NTN1: variants seen among roughly 807,000 people sequenced by gnomAD.
NTN1 encodes the protein netrin-1.
NTN1 carries 11 observed loss-of-function variants against 54.2 expected under a neutral mutation model. The observed-to-expected ratio is 0.20, with a 90% CI of 0.13 to 0.34. NTN1 has a LOEUF of 0.34. Among genes scored for constraint, NTN1 ranks in the 10% least tolerant of loss-of-function variants. The pLI is 1.00. For synonymous variants in NTN1, 371 were observed against 382.0 expected (o/e 0.97, Z 0.33); for missense variants, 740 against 893.1 (o/e 0.83, Z 2.18).
intron 2 of NTN1, among the ~76,000 whole-genome samples, chr17:9,078,057 TATCCATCC>T (rs111350777): frequency 4.0e-4 from 60 of 151,638 alleles, no homozygotes; most frequent in Admixed American, 4.6e-4. Context: ...CCCATCCATC[TATCCATCC>T]ATCCATCCAT....
intron 5 of NTN1, among the ~76,000 whole-genome samples, chr17:9,185,026 G>A (rs1015709273): frequency 1.3e-5 from 2 of 152,210 alleles, no homozygotes; most frequent in Non-Finnish European, 2.9e-5. Context: ...AAACCGAAGC[G>A]AGCAGTAAAT....
At chr17:9,110,559 C>T (rs2092186989) in intron 2 of NTN1, among the ~76,000 whole-genome samples, 1 of 152,038 alleles carries the variant, frequency 6.6e-6, no homozygotes, top group African/African-American at 2.4e-5. Context: ...AGGCCTGAGC[C>T]ACCGCACCCA....
At chr17:9,167,353 A>G (rs969563020) in intron 3 of NTN1, among the ~76,000 whole-genome samples, 1 of 152,154 alleles carries the variant, frequency 6.6e-6, no homozygotes, top group Non-Finnish European at 1.5e-5. Context: ...TTGCTATTTA[A>G]CCATTTCGGC....
intron 2 of NTN1, among the ~76,000 whole-genome samples, chr17:9,035,154 G>A (rs113715580): frequency 0.15 from 23,214 of 151,966 alleles, 1,920 homozygotes; most frequent in Non-Finnish European, 0.18. Context: ...CACTGTGTTA[G>A]CCAGGATGGT....
At chr17:9,061,790 A>T (rs576575717) in intron 2 of NTN1, among the ~76,000 whole-genome samples, 1 of 151,270 alleles carries the variant, frequency 6.6e-6, no homozygotes, top group South Asian at 2.1e-4. Flanking sequence ...TGAAACCTCC[A>T]CCTCCCGGGT....
chr17:9,213,993 T>G (rs1005852384), intron 5 of NTN1, among the ~76,000 whole-genome samples: 2 of 152,136 alleles, frequency 1.3e-5, no homozygotes, highest in African/African-American at 4.8e-5. Context: ...TAGTTAAACA[T>G]GACAGTGTTT....
At chr17:9,220,633 G>T (rs1213882694) in intron 5 of NTN1, among the ~76,000 whole-genome samples, 1 of 152,104 alleles carries the variant, frequency 6.6e-6, no homozygotes, top group Admixed American at 6.5e-5. Context: ...TCTTCGTGGG[G>T]CATTTTATTT....
At chr17:9,172,218 C>T (rs1042969440) in intron 3 of NTN1, among the ~76,000 whole-genome samples, 87 of 151,392 alleles carry the variant, frequency 5.7e-4, no homozygotes, top group Admixed American at 9.2e-4. Context: ...CCTTTCTAGG[C>T]GGGGTGCGGT....
At position 9,022,393 on chromosome 17, in the gene NTN1, AGGCGCTGGC is replaced by A. The variant is rs1044752307; in HGVS notation, c.34_42del (p.Leu12_Ala14del). The A allele has an allele frequency of 8.1e-5, 108 of 1,332,408 alleles. No homozygotes were observed. The highest frequency in any genetic ancestry group is 5.1e-4 in the Middle Eastern group (2 of 3,912). The allele number at this position is 1,332,408 out of a possible 1,614,324, so 82.5% of individuals were successfully genotyped here. ...CGCAGCATGATGCGCGCAGTGTGGG[AGGCGCTGGC>A]GGCGCTGGCGGCGGTGGCGTGCCTG... is the stretch of plus-strand genomic sequence containing the variant. On this transcript the variant is annotated inframe_deletion, in exon 2 of 7. Coordinates refer to ENST00000173229, the MANE Select transcript of NTN1 (RefSeq NM_004822.3).
intron 3 of NTN1, among the ~76,000 whole-genome samples, chr17:9,164,072 T>G (rs2092366966): frequency 6.6e-6 from 1 of 152,220 alleles, no homozygotes; most frequent in African/African-American, 2.4e-5. Flanking sequence ...GAAGCAAAAG[T>G]ATCATCTTCT....
chr17:9,139,292 C>A (rs528559810), intron 2 of NTN1, among the ~76,000 whole-genome samples: 1 of 152,060 alleles, frequency 6.6e-6, no homozygotes, highest in African/African-American at 2.4e-5. Flanking sequence ...GAGCAGGTAC[C>A]GGAGGGCCAG....
intron 2 of NTN1, among the ~76,000 whole-genome samples, chr17:9,114,143 C>CAAAAAAAAA (rs1491305006): frequency 1.1e-4 from 7 of 61,082 alleles, no homozygotes; most frequent in Non-Finnish European, 2.0e-4. Context: ...GCCTGGGTGC[C>CAAAAAAAAA]AAAAAAAAAG....
chr17:9,230,452 C>CT (rs1905767913), intron 6 of NTN1, among the ~76,000 whole-genome samples: 1 of 49,844 alleles, frequency 2.0e-5, no homozygotes, highest in South Asian at 7.0e-4. Flanking sequence ...GATGTGACCC[C>CT]CCCCCCGAGT....
At chr17:9,082,513 T>A (rs1232867456) in intron 2 of NTN1, among the ~76,000 whole-genome samples, 4 of 152,188 alleles carry the variant, frequency 2.6e-5, no homozygotes, top group Non-Finnish European at 5.9e-5. Flanking sequence ...CTTTTCACAC[T>A]GTTTTAAATG....
the NTN1 span, among the ~76,000 whole-genome samples, chr17:9,015,005 C>T: frequency 1.3e-5 from 2 of 152,182 alleles, no homozygotes; most frequent in South Asian, 2.1e-4. Context: ...AAAATGGACA[C>T]AATAATATAC....
intron 2 of NTN1, among the ~76,000 whole-genome samples, chr17:9,050,395 C>T (rs141575852): frequency 0.01 from 1,535 of 151,926 alleles, 27 homozygotes; most frequent in African/African-American, 0.033. Context: ...TGGGGCCAGG[C>T]GTGGTGGCTC....
At chr17:9,168,934 G>T (rs4791341) in intron 3 of NTN1, among the ~76,000 whole-genome samples, 19,177 of 152,176 alleles carry the variant, frequency 0.13, 1,715 homozygotes, top group East Asian at 0.37. Flanking sequence ...AGACCCCAAG[G>T]CAAGGAGTGG....
At chr17:9,163,147 GACAC>G (rs56255655) in intron 3 of NTN1, 146 bp downstream of exon 3, 107,175 of 518,846 alleles carry the variant, frequency 0.21, 5,307 homozygotes, top group South Asian at 0.27. Flanking sequence ...CTCTCTCTGT[GACAC>G]ACACACACAC....
At chr17:9,070,955 A>ACC (rs2092030148) in intron 2 of NTN1, among the ~76,000 whole-genome samples, 1 of 151,774 alleles carries the variant, frequency 6.6e-6, no homozygotes, top group Non-Finnish European at 1.5e-5. Flanking sequence ...TAGGGGCTGG[A>ACC]CCCATAGTTC....
Sources: gnomAD v4.1 joint callset for allele counts (sites outside exome capture counted in the v4.1 genomes callset) on GRCh38, gnomAD v4.1.1 for gene constraint, MANE v1.5 for transcripts, NCBI Gene and HGNC (gene_info 2026-07-23, HGNC 2026-07-21) for gene names.